The following SLTM variants were observed in gnomAD, a reference collection of about 807,000 sequenced individuals.
SLTM encodes SAFB-like transcription modulator.
In SLTM, 43 loss-of-function variants were observed where a neutral mutation model predicts 134.6. The observed-to-expected ratio is 0.32, with a 90% CI of 0.25 to 0.41. The LOEUF (loss-of-function observed/expected upper bound fraction) is 0.41. Among genes scored for constraint, SLTM ranks in the 10% least tolerant of loss-of-function variants. The probability of loss-of-function intolerance (pLI) is 1.00; values close to 1 mark genes in which losing one functional copy is unlikely to be tolerated. For missense variants in SLTM, 1,055 were observed against 1,288.8 expected, an observed-to-expected ratio of 0.82 and a Z score of 2.78; for synonymous variants, 424 against 432.3, an observed-to-expected ratio of 0.98 and a Z score of 0.24.
intron 15 of SLTM, 100 bp downstream of exon 15, chr15:58,890,181 T>C (rs2034543995): frequency 1.5e-6 from 2 of 1,369,998 alleles, no homozygotes; most frequent in Non-Finnish European, 2.0e-6. Context: ...CTAAACTCAT[T>C]CTATAGACGC....
At chr15:58,894,644 T>A in intron 9 of SLTM, 62 bp from the exon 10 acceptor site, 1 of 1,445,450 alleles carries the variant, frequency 6.9e-7, no homozygotes, top group Middle Eastern at 1.8e-4. Context: ...GACTTCTAAA[T>A]ACATGAAACT....
intron 5 of SLTM, among the ~76,000 whole-genome samples, chr15:58,903,773 T>G (rs1211309538): frequency 6.6e-6 from 1 of 151,704 alleles, no homozygotes; most frequent in Non-Finnish European, 1.5e-5. Context: ...ATGCTGCTGG[T>G]ACAGCGCAAA....
At chr15:58,930,621 G>A (rs530924456) in intron 2 of SLTM, among the ~76,000 whole-genome samples, 97 of 151,730 alleles carry the variant, frequency 6.4e-4, no homozygotes, top group Admixed American at 6.2e-3. Context: ...GCTAAGGTGG[G>A]AGGGATCACT....
At chr15:58,924,137 G>A (rs188278234) in intron 2 of SLTM, among the ~76,000 whole-genome samples, 234 of 152,172 alleles carry the variant, frequency 1.5e-3, no homozygotes, top group African/African-American at 5.5e-3. Context: ...TTTACGCTTT[G>A]AGGAAAAAAC....
Position 58,893,371 on chromosome 15 carries a change from G to A in SLTM, c.1649-7C>T, listed in dbSNP as rs774534467. The A allele has an allele frequency of 1.5e-5, 23 of 1,572,036 alleles. No individual in the cohort carries two copies. In the African/African-American group the frequency reaches 2.3e-4, roughly 16 times the overall value. Reference sequence around the variant, plus strand: ...TGTCCTGGACTCTTGGAACCTAAGGGAAAAAAATTATATAAAACAATGTCT... The same window carrying A: ...TGTCCTGGACTCTTGGAACCTAAGGAAAAAAAATTATATAAAACAATGTCT... On this transcript the variant is annotated splice_polypyrimidine_tract_variant and splice_region_variant and intron_variant, in intron 12 of 20. Transcript: ENST00000380516.
At chr15:58,915,629 C>T (rs2036581338) in intron 3 of SLTM, among the ~76,000 whole-genome samples, 1 of 152,052 alleles carries the variant, frequency 6.6e-6, no homozygotes, top group Non-Finnish European at 1.5e-5. Context: ...TTTAACGGAT[C>T]CCTGGGCAAA....
chr15:58,920,168 G>A (rs1555455922), intron 2 of SLTM, among the ~76,000 whole-genome samples: 1 of 151,722 alleles, frequency 6.6e-6, no homozygotes, highest in Non-Finnish European at 1.5e-5. Flanking sequence ...ATACAAAAAA[G>A]TAGCTGGGCA....
intron 20 of SLTM, among the ~76,000 whole-genome samples, chr15:58,882,186 A>AAAAAAAAAAAAAAC (rs1170286359): frequency 2.7e-5 from 4 of 148,466 alleles, no homozygotes; most frequent in Non-Finnish European, 6.0e-5. Flanking sequence ...TGTCTCAAAA[A>AAAAAAAAAAAAAAC]AAAAAAACCA....
intron 5 of SLTM, among the ~76,000 whole-genome samples, chr15:58,902,811 C>T (rs774045552): frequency 4.6e-5 from 7 of 151,666 alleles, no homozygotes; most frequent in Non-Finnish European, 1.0e-4. Context: ...GCAACCTCCG[C>T]CTCCTGTGTT....
At chr15:58,930,459 C>CTTAAGACCTCTTAACATCAGAG (rs2037797140) in intron 2 of SLTM, among the ~76,000 whole-genome samples, 1 of 151,838 alleles carries the variant, frequency 6.6e-6, no homozygotes, top group African/African-American at 2.4e-5. Flanking sequence ...AACTGAATAC[C>CTTAAGACCTCTTAACATCAGAG]TTAAGACCTC....
chr15:58,908,137 G>C (rs1192474948), intron 5 of SLTM, among the ~76,000 whole-genome samples: 3 of 150,984 alleles, frequency 2.0e-5, no homozygotes, highest in Non-Finnish European at 4.4e-5. Context: ...GCTCACTGCA[G>C]CCTCAACCTC....
At chr15:58,887,723 A>G (rs949168888) in intron 17 of SLTM, 183 bp from the exon 18 acceptor site, 5 of 785,400 alleles carry the variant, frequency 6.4e-6, no homozygotes, top group Non-Finnish European at 6.2e-6. Flanking sequence ...CTAAGTGTCT[A>G]GCCTAAAGGT....
At chr15:58,886,933 T>G (rs1172332303) in intron 19 of SLTM, 42 bp downstream of exon 19, 1 of 1,610,598 alleles carries the variant, frequency 6.2e-7, no homozygotes, top group Non-Finnish European at 8.5e-7. Flanking sequence ...ATCCTCTAAA[T>G]GTATGTGTGC....
chr15:58,929,759 C>A (rs746831402), intron 2 of SLTM, among the ~76,000 whole-genome samples: 1 of 151,854 alleles, frequency 6.6e-6, no homozygotes, highest in Non-Finnish European at 1.5e-5. Context: ...GAGAAAACAT[C>A]TCTGCCATTT....
At chr15:58,932,590 T>A in intron 1 of SLTM, 147 bp from the exon 2 acceptor site, 1 of 583,490 alleles carries the variant, frequency 1.7e-6, no homozygotes, top group Admixed American at 2.9e-5. Flanking sequence ...AATGAGCAAT[T>A]AAACTACACG....
At chr15:58,907,486 G>A (rs1268387058) in intron 5 of SLTM, among the ~76,000 whole-genome samples, 1 of 152,096 alleles carries the variant, frequency 6.6e-6, no homozygotes, top group African/African-American at 2.4e-5. Context: ...GACGGGTGTG[G>A]TGGCGCACGC....
chr15:58,889,220 T>G (rs1232197699), intron 16 of SLTM: 1 of 477,144 alleles, frequency 2.1e-6, no homozygotes. Flanking sequence ...TGAAAAACAT[T>G]TGGCATCAGA....
At chr15:58,895,829 T>G (rs1051798057) in intron 9 of SLTM, among the ~76,000 whole-genome samples, 14 of 152,234 alleles carry the variant, frequency 9.2e-5, no homozygotes, top group African/African-American at 3.1e-4. Context: ...TCCTTTACAC[T>G]CAGGCAACTC....
At position 58,893,823 on chromosome 15, in the gene SLTM, A is replaced by G. The variant is rs1313785889; in HGVS notation, c.1646T>C (p.Ile549Thr). The change falls in exon 12 of 21, where the codon ATA (isoleucine) becomes ACA (threonine). Residue 549 changes from isoleucine (I) to threonine (T), a missense_variant and splice_region_variant. Around this residue, in one of 3 missense-constraint regions of SLTM, gnomAD observed 776 missense variants for 962.2 expected, o/e 0.81. Transcript: ENST00000380516. ...GATTGAAAAGATGTATAGCATACTTATTCGCTTCTTTTCTTCACTTTTTTT... is the reference window on the plus strand; with the variant it reads ...GATTGAAAAGATGTATAGCATACTTGTTCGCTTCTTTTCTTCACTTTTTTT... Reference protein sequence around the residue: ...SIKKSEEKKRISSKSPGHMVI... With the variant: ...SIKKSEEKKRTSSKSPGHMVI... 6.2e-7 allele frequency: 1 copy of G among 1,601,658 alleles called. No individual in the cohort carries two copies. Among genetic ancestry groups the G allele is most frequent in the Non-Finnish European group, 8.5e-7 (1 of 1,173,850 alleles).
Sources: gnomAD v4.1 joint callset for allele counts (sites outside exome capture counted in the v4.1 genomes callset) on GRCh38, gnomAD v4.1.1 for gene constraint, gnomAD v4.1.1 regional missense constraint, MANE v1.5 for transcripts, NCBI Gene and HGNC (gene_info 2026-07-23, HGNC 2026-07-21) for gene names.